Variants in EGFLAM observed in about 807,000 individuals in gnomAD.
The protein encoded by EGFLAM is EGF like, fibronectin type III and laminin G domains.
EGFLAM carries 79 observed loss-of-function variants against 113.1 expected under a neutral mutation model. The ratio of observed to expected loss-of-function variants is 0.70; its 90% confidence interval spans 0.58 to 0.84. The LOEUF (loss-of-function observed/expected upper bound fraction) is 0.84. Ranked by LOEUF, EGFLAM falls within the 40% of genes least tolerant of loss-of-function variation. The pLI, the probability that EGFLAM is intolerant of heterozygous loss-of-function variation, is 0.00. For missense variants in EGFLAM, 1,265 were observed against 1,291.6 expected (o/e 0.98, Z 0.32); for synonymous variants, 504 against 487.6 (o/e 1.03, Z -0.44).
chr5:38,309,002 C>G (rs538960184), intron 1 of EGFLAM, among the ~76,000 whole-genome samples: 2 of 152,294 alleles, frequency 1.3e-5, no homozygotes, highest in South Asian at 4.1e-4. Flanking sequence ...TACAGACTCA[C>G]AAGAGCCAAT....
At chr5:38,261,472 C>A (rs1757499140) in intron 1 of EGFLAM, among the ~76,000 whole-genome samples, 1 of 152,134 alleles carries the variant, frequency 6.6e-6, no homozygotes, top group African/African-American at 2.4e-5. Flanking sequence ...GAAATTGTGG[C>A]TTAGAGAGGT....
intron 14 of EGFLAM, 128 bp downstream of exon 14, chr5:38,427,380 AC>A: frequency 1.4e-6 from 2 of 1,414,596 alleles, no homozygotes; most frequent in Non-Finnish European, 1.9e-6. Flanking sequence ...ATCTTCTGAA[AC>A]TTGTCCTGAC....
At chr5:38,423,745 G>A (rs949602750) in intron 12 of EGFLAM, among the ~76,000 whole-genome samples, 1 of 152,222 alleles carries the variant, frequency 6.6e-6, no homozygotes, top group Non-Finnish European at 1.5e-5. Flanking sequence ...GGAATTCACA[G>A]AGGCTAGCCA....
intron 17 of EGFLAM, among the ~76,000 whole-genome samples, chr5:38,446,882 T>G: frequency 6.6e-6 from 1 of 152,178 alleles, no homozygotes; most frequent in East Asian, 1.9e-4. Context: ...TCTGTACGAA[T>G]TTTCATAGTA....
intron 9 of EGFLAM, among the ~76,000 whole-genome samples, chr5:38,408,606 G>C (rs1412972225): frequency 6.6e-6 from 1 of 152,194 alleles, no homozygotes; most frequent in Non-Finnish European, 1.5e-5. Context: ...AAGCAAATGT[G>C]CATGCCTCCC....
chr5:38,303,939 C>A (rs1020044857), intron 1 of EGFLAM, among the ~76,000 whole-genome samples: 1 of 151,830 alleles, frequency 6.6e-6, no homozygotes, highest in Non-Finnish European at 1.5e-5. Context: ...AGTTCAAGAC[C>A]AGCCTGGCCA....
At chr5:38,308,472 G>A (rs1758785620) in intron 1 of EGFLAM, among the ~76,000 whole-genome samples, 1 of 152,214 alleles carries the variant, frequency 6.6e-6, no homozygotes, top group African/African-American at 2.4e-5. Flanking sequence ...TTTGGAACCA[G>A]ACAGATCTGG....
chr5:38,349,090 G>A (rs961470770), intron 3 of EGFLAM, among the ~76,000 whole-genome samples: 1 of 152,144 alleles, frequency 6.6e-6, no homozygotes, highest in Non-Finnish European at 1.5e-5. Flanking sequence ...AAAAATTGTA[G>A]GGATGCCCTT....
intron 1 of EGFLAM, among the ~76,000 whole-genome samples, chr5:38,333,532 T>A (rs1408406702): frequency 6.6e-6 from 1 of 152,228 alleles, no homozygotes; most frequent in Non-Finnish European, 1.5e-5. Context: ...TGGTTTTGAT[T>A]TGCATTTTTC....
At chr5:38,352,646 CAA>C (rs541898872) in intron 5 of EGFLAM, among the ~76,000 whole-genome samples, 15 of 91,820 alleles carry the variant, frequency 1.6e-4, no homozygotes, top group Admixed American at 3.4e-4. Context: ...GACTCCATCC[CAA>C]AAAAAAAAAA....
At chr5:38,458,460 C>A in intron 20 of EGFLAM, 66 bp downstream of exon 20, 1 of 1,495,394 alleles carries the variant, frequency 6.7e-7, no homozygotes, top group Non-Finnish European at 9.2e-7. Flanking sequence ...GTGTCCAGTT[C>A]CCTTGTAGTC....
chr5:38,391,053 C>G (rs1740793089), intron 6 of EGFLAM, among the ~76,000 whole-genome samples: 1 of 151,974 alleles, frequency 6.6e-6, no homozygotes, highest in Non-Finnish European at 1.5e-5. Context: ...TGGCTAAAAA[C>G]AACTTCTTTT....
rs185324186 is a variant in EGFLAM, at chr5:38,403,849, C to A, written c.713-2277C>A. 3 of 1,613,894 alleles carry A rather than the reference C, an allele frequency of 1.9e-6. No individual in the cohort carries two copies. In the African/African-American group the frequency reaches 4.0e-5, roughly 22 times the overall value. ...CTTTTGTGTGAAGACATCTGGCACA[C>A]AGATACGCTGCATGCAGGTGGCTTG... is the stretch of plus-strand genomic sequence containing the variant. On this transcript the variant is annotated intron_variant, in intron 6 of 21. Coordinates refer to ENST00000322350, the MANE Select transcript of EGFLAM (RefSeq NM_152403.4).
chr5:38,329,169 G>C lies in EGFLAM; in HGVS notation c.98-8351G>C, dbSNP rs183878224. ...CTAGATGTGGTGGCACGTGACTGTA[G>C]TCCCAGCTACTCAGTTGGCTGAGGT... On this transcript the variant is annotated intron_variant, in intron 1 of 21. Coordinates refer to ENST00000322350, the MANE Select transcript of EGFLAM (RefSeq NM_152403.4). Among the ~76,000 whole-genome samples, 293 of 152,110 alleles carry C rather than the reference G, an allele frequency of 1.9e-3. 1 individual carries two copies. Among genetic ancestry groups the C allele is most frequent in the African/African-American group, 6.7e-3 (277 of 41,498 alleles).
chr5:38,432,157 C>T (rs1165050547), intron 15 of EGFLAM, among the ~76,000 whole-genome samples: 2 of 152,158 alleles, frequency 1.3e-5, no homozygotes, highest in African/African-American at 4.8e-5. Flanking sequence ...TTGCCAATAT[C>T]TTAGTTCCCA....
At chr5:38,263,029 T>C (rs1355453096) in intron 1 of EGFLAM, among the ~76,000 whole-genome samples, 1 of 152,246 alleles carries the variant, frequency 6.6e-6, no homozygotes, top group Admixed American at 6.5e-5. Flanking sequence ...TCTATTCTAA[T>C]AAGCATGTAA....
intron 12 of EGFLAM, among the ~76,000 whole-genome samples, chr5:38,420,560 G>A (rs945691060): frequency 1.3e-5 from 2 of 152,182 alleles, no homozygotes; most frequent in African/African-American, 4.8e-5. Context: ...GTTTAAATGA[G>A]TTGTGGTGTG....
At chr5:38,440,500 G>A (rs1742498561) in intron 17 of EGFLAM, among the ~76,000 whole-genome samples, 1 of 152,150 alleles carries the variant, frequency 6.6e-6, no homozygotes, top group South Asian at 2.1e-4. Flanking sequence ...CCATTGTAAA[G>A]ATTGGAAAGA....
chr5:38,412,477 T>C, intron 10 of EGFLAM, 27 bp from the exon 11 acceptor site: 1 of 1,612,208 alleles, frequency 6.2e-7, no homozygotes, highest in South Asian at 1.1e-5. Context: ...CGTCAAGAAA[T>C]CTTCTTTTCC....
Sources: gnomAD v4.1 joint callset for allele counts (sites outside exome capture counted in the v4.1 genomes callset) on GRCh38, gnomAD v4.1.1 for gene constraint, MANE v1.5 for transcripts, NCBI Gene and HGNC (gene_info 2026-07-23, HGNC 2026-07-21) for gene names.